Variants in RNF213 observed in about 807,000 individuals in gnomAD.
RNF213 encodes E3 ubiquitin-protein ligase RNF213.
In RNF213, 341 loss-of-function variants were observed where a neutral mutation model predicts 514.4. The observed-to-expected ratio is 0.66, with a 90% CI of 0.61 to 0.73. RNF213 has a LOEUF of 0.73. Among genes scored for constraint, RNF213 ranks in the 30% least tolerant of loss-of-function variants. RNF213 has a pLI of 0.00. For synonymous variants in RNF213, 2,655 were observed against 2,658.2 expected (o/e 1.00, Z 0.04); for missense variants, 5,767 against 6,615.6 (o/e 0.87, Z 4.45).
chr17:80,369,115 C>G (rs2079402437), intron 44 of RNF213, among the ~76,000 whole-genome samples: 1 of 151,952 alleles, frequency 6.6e-6, no homozygotes, highest in Non-Finnish European at 1.5e-5. Context: ...AAGTAAAATG[C>G]CAGCCAGGCA....
chr17:80,337,988 G>A lies in RNF213; in HGVS notation c.4824G>A (p.Arg1608=), dbSNP rs2078038133. 6.5e-7 allele frequency: 1 copy of A among 1,537,182 alleles called. No individual in the cohort carries two copies. Among genetic ancestry groups the A allele is most frequent in the Non-Finnish European group, 8.7e-7 (1 of 1,146,932 alleles). The part of the protein sequence containing the change: ...KKDRNNTEVE[R]FSEVFCSVQR... Reference sequence around the variant, plus strand: ...ATCGTAACAACACGGAAGTGGAGAGGTTTTCAGAGGTGAGGGCGCATCTTT... The same window carrying A: ...ATCGTAACAACACGGAAGTGGAGAGATTTTCAGAGGTGAGGGCGCATCTTT... Residue 1608 remains arginine (R), a synonymous_variant, in exon 25 of 68, where the codon AGG becomes AGA. Coordinates refer to ENST00000582970, the MANE Select transcript of RNF213 (RefSeq NM_001256071.3).
At position 80,295,584 on chromosome 17, in the gene RNF213, A is replaced by G. The variant is rs1177657239; in HGVS notation, c.1783A>G (p.Lys595Glu). The change falls in exon 10 of 68, where the codon AAA becomes GAA. Residue 595 changes from lysine to glutamate, a missense_variant. By Grantham distance (56) the Lys-to-Glu change is moderately conservative. Around this residue, in one of 13 missense-constraint regions of RNF213, gnomAD observed 592 missense variants for 673.9 expected, o/e 0.88. Transcript: ENST00000582970. ...GAAGAGATACCTGTGGCAACATCTGAAAAAACACGTGGTACCATTGCCGGA... is the reference window on the plus strand; with the variant it reads ...GAAGAGATACCTGTGGCAACATCTGGAAAAACACGTGGTACCATTGCCGGA... ...EVKRYLWQHL[K>E]KHVVPLPDGK... 6.2e-7 allele frequency: 1 copy of G among 1,614,054 alleles called. No individual in the cohort carries two copies. Among genetic ancestry groups the G allele is most frequent in the Non-Finnish European group, 8.5e-7 (1 of 1,180,036 alleles).
rs779328640 is a variant in RNF213 at position 80,287,996 on chromosome 17, G to C, written c.443G>C (p.Ser148Thr). Reference sequence around the variant, plus strand: ...CAGAGTGGCCCCACTGGCCAGCCGAGCCAGCCCCCAGGCACAGCCACCACG... The same window carrying C: ...CAGAGTGGCCCCACTGGCCAGCCGACCCAGCCCCCAGGCACAGCCACCACG... ...AQQSGPTGQP[S>T]QPPGTATTPL... Residue 148 changes from serine (S) to threonine (T), a missense_variant, in exon 4 of 68, where the codon AGC becomes ACC. By Grantham distance (58) the Ser-to-Thr change is moderately conservative. This residue lies in a region of RNF213 where 509 missense variants were observed against 496.7 expected (regional missense o/e 1.02). Transcript: ENST00000582970. 2 of 1,586,278 alleles carry C rather than the reference G, an allele frequency of 1.3e-6. No homozygotes were observed. Among genetic ancestry groups the C allele is most frequent in the Non-Finnish European group, 1.7e-6 (2 of 1,166,764 alleles).
At chr17:80,268,553 C>T (rs923810204) in intron 2 of RNF213, among the ~76,000 whole-genome samples, 1 of 151,986 alleles carries the variant, frequency 6.6e-6, no homozygotes, top group Non-Finnish European at 1.5e-5. Context: ...GATTTCTCAG[C>T]CTCCATAGTC....
intron 42 of RNF213, among the ~76,000 whole-genome samples, chr17:80,366,125 G>A (rs1028653624): frequency 2.0e-5 from 3 of 152,232 alleles, no homozygotes; most frequent in Non-Finnish European, 4.4e-5. Context: ...GAAACAAGAG[G>A]CTTGGGGGAA....
chr17:80,379,678 T>G lies in RNF213; in HGVS notation c.13604T>G (p.Ile4535Ser), dbSNP rs75161557. The change falls in exon 55 of 68, where the codon ATT becomes AGT. Residue 4535 changes from isoleucine (I) to serine (S), a missense_variant. Around this residue, in one of 13 missense-constraint regions of RNF213, gnomAD observed 1,245 missense variants for 1,339.0 expected, o/e 0.93. Transcript: ENST00000582970. Reference protein sequence around the residue: ...CIDCHAPIGGIDHKPRDGFHL... With the variant: ...CIDCHAPIGGSDHKPRDGFHL... Reference sequence around the variant, plus strand: ...GACTGCCATGCGCCGATTGGAGGCATTGACCACAAACCTCGGGACGGCTTT... The same window carrying G: ...GACTGCCATGCGCCGATTGGAGGCAGTGACCACAAACCTCGGGACGGCTTT... The G allele has an allele frequency of 3.7e-6, 6 of 1,614,238 alleles. No individual in the cohort carries two copies. In the South Asian group the frequency reaches 6.6e-5, roughly 18 times the overall value.
chr17:80,315,796 GT>G (rs2045914446), intron 15 of RNF213: 1 of 44,870 alleles, frequency 2.2e-5, no homozygotes, highest in Non-Finnish European at 5.1e-5. Context: ...GGTGGTGGTG[GT>G]GGTGGAGGTG....
chr17:80,284,819 C>T (rs1291944567), intron 3 of RNF213, among the ~76,000 whole-genome samples: 2 of 152,182 alleles, frequency 1.3e-5, no homozygotes, highest in African/African-American at 2.4e-5. Context: ...GACAAGACAG[C>T]GCCTCCTCTG....
chr17:80,265,327 G>T (rs1251421662), intron 2 of RNF213, among the ~76,000 whole-genome samples: 1 of 152,198 alleles, frequency 6.6e-6, no homozygotes. Flanking sequence ...GATTATAGGC[G>T]TGAGCCACCG....
intron 13 of RNF213, among the ~76,000 whole-genome samples, chr17:80,308,360 A>G (rs543303325): frequency 1.3e-5 from 2 of 150,574 alleles, no homozygotes; most frequent in Admixed American, 1.3e-4. Flanking sequence ...CCCTCCATCA[A>G]CTCTCCTCTT....
At chr17:80,304,055 T>G (rs1470232881) in intron 11 of RNF213, among the ~76,000 whole-genome samples, 1 of 151,176 alleles carries the variant, frequency 6.6e-6, no homozygotes, top group Non-Finnish European at 1.5e-5. Context: ...AAATATAGAG[T>G]ACCTTTTATT....
rs376901868 is a variant in RNF213, at chr17:80,288,037, G to A, written c.484G>A (p.Gly162Ser). Residue 162 changes from glycine (G) to serine (S), a missense_variant, in exon 4 of 68, where the codon GGC becomes AGC. Around this residue, in one of 13 missense-constraint regions of RNF213, gnomAD observed 509 missense variants for 496.7 expected, o/e 1.02. Transcript: ENST00000582970. The surrounding 1 kb of genome is among the most constrained non-coding windows in gnomAD (Gnocchi z 4.9). Reference sequence around the variant, plus strand: ...AGCCACCACGCCACTGGAGGGTGACGGCCTCTCCGCGCCCACCGAGGTTGG... The same window carrying A: ...AGCCACCACGCCACTGGAGGGTGACAGCCTCTCCGCGCCCACCGAGGTTGG... The part of the protein sequence containing the change: ...GTATTPLEGD[G>S]LSAPTEVGDS... The A allele has an allele frequency of 1.1e-4, 176 of 1,601,332 alleles. 1 individual carries two copies. The highest frequency in any genetic ancestry group is 1.4e-4 in the Non-Finnish European group (159 of 1,174,564).
intron 58 of RNF213, 56 bp downstream of exon 58, chr17:80,383,126 C>A: frequency 7.9e-7 from 1 of 1,261,990 alleles, no homozygotes; most frequent in South Asian, 1.2e-5. Flanking sequence ...GGAAGGGTCC[C>A]GGCGTCTGCT....
rs1469019448 is a variant in RNF213 at position 80,328,396 on chromosome 17, G to T, written c.3436G>T (p.Glu1146Ter). ...GGAAGCACTGGATTGGAGAAGGGAG[G>T]AACTGTTACTTCTAAAGAAAGAGAA... Reference protein sequence around the residue: ...VEEALDWRREELLLLKKEKRC... With the variant: ...VEEALDWRRE Residue 1146 changes from glutamate to a stop codon, truncating the protein, a stop_gained, in exon 20 of 68, where the codon GAA (glutamate) becomes TAA (stop). Transcript: ENST00000582970. LOFTEE classifies it high-confidence loss of function. 3 of 1,537,134 alleles carry T rather than the reference G, an allele frequency of 2.0e-6. No individual in the cohort carries two copies. The highest frequency in any genetic ancestry group is 2.6e-6 in the Non-Finnish European group (3 of 1,146,828).
At chr17:80,379,897 T>C in intron 55 of RNF213, 183 bp downstream of exon 55, 2 of 647,656 alleles carry the variant, frequency 3.1e-6, no homozygotes, top group Non-Finnish European at 5.7e-6. Flanking sequence ...ATCTGATCTG[T>C]TGTTGGATCC....
Position 80,336,246 on chromosome 17 carries a change from C to T in RNF213, c.4395C>T (p.Phe1465=). The stretch of plus-strand genomic sequence containing the variant: ...TTGATGTGGACCGGGTGGCCTGCTT[C>T]CATGACGCTGTGCAGGGCTACGCAT... ...NDIDVDRVAC[F]HDAVQGYASL... Residue 1465 remains phenylalanine, a synonymous_variant, in exon 23 of 68, where the codon TTC becomes TTT. Transcript: ENST00000582970. 5 of 1,537,238 alleles carry T rather than the reference C, an allele frequency of 3.3e-6. No homozygotes were observed. In the South Asian group the frequency reaches 3.6e-5, roughly 11 times the overall value.
chr17:80,371,117 T>C (rs1013948655), intron 46 of RNF213, among the ~76,000 whole-genome samples: 22 of 152,164 alleles, frequency 1.4e-4, no homozygotes, highest in African/African-American at 5.3e-4. Context: ...CATGAAATCA[T>C]GTGGGTCAAA....
Position 80,317,084 on chromosome 17 carries a change from C to G in RNF213, c.2812-104C>G. 2 of 1,260,768 alleles carry G rather than the reference C, an allele frequency of 1.6e-6. No homozygotes were observed. Among genetic ancestry groups the G allele is most frequent in the Non-Finnish European group, 2.3e-6 (2 of 879,802 alleles). The allele number at this position is 1,260,768 out of a possible 1,614,324, so 78.1% of individuals were successfully genotyped here. A position where few individuals can be genotyped will look rare whatever the true frequency, so the allele number is the denominator to read the frequency against. ...GAGAGCCCTGGTGTTCGCGGAGTCCCGCGCTCTCTGTATTGCCGTAATGCT... is the reference window on the plus strand; with the variant it reads ...GAGAGCCCTGGTGTTCGCGGAGTCCGGCGCTCTCTGTATTGCCGTAATGCT... On this transcript the variant is annotated intron_variant, in intron 15 of 67. Coordinates refer to ENST00000582970, the MANE Select transcript of RNF213 (RefSeq NM_001256071.3). The surrounding 1 kb of genome is among the most constrained non-coding windows in gnomAD (Gnocchi z 4.1).
Position 80,325,069 on chromosome 17 carries a change from T to C in RNF213, c.3064T>C (p.Leu1022=). 6.5e-7 allele frequency: 1 copy of C among 1,537,226 alleles called. No homozygotes were observed. Among genetic ancestry groups the C allele is most frequent in the Non-Finnish European group, 8.7e-7 (1 of 1,146,900 alleles). Residue 1022 remains leucine, a synonymous_variant, in exon 18 of 68, where the codon TTG becomes CTG. Transcript: ENST00000582970. ...SILQGFSYSD[L]RKFGIVLSAV... ...CCTTCAGGGGTTCTCTTACTCTGATTTGCGGAAATTTGGCATCGTCTTGTC... is the reference window on the plus strand; with the variant it reads ...CCTTCAGGGGTTCTCTTACTCTGATCTGCGGAAATTTGGCATCGTCTTGTC...
Sources: allele counts gnomAD v4.1 joint callset (sites outside exome capture counted in the v4.1 genomes callset), GRCh38; gene constraint gnomAD v4.1.1; regional missense constraint gnomAD v4.1.1; non-coding constraint Gnocchi (gnomAD v3.1); transcripts MANE v1.5; gene names NCBI Gene and HGNC (gene_info 2026-07-23, HGNC 2026-07-21).